Variants in PRPF40B observed in about 807,000 individuals in gnomAD.
The protein encoded by PRPF40B is pre-mRNA processing factor 40B.
In PRPF40B, 56 loss-of-function variants were observed where a neutral mutation model predicts 124.5. The observed-to-expected ratio is 0.45, with a 90% CI of 0.36 to 0.56. The LOEUF (loss-of-function observed/expected upper bound fraction) is 0.56, where lower values mean the gene tolerates loss of function less well. Among genes scored for constraint, PRPF40B ranks in the 20% least tolerant of loss-of-function variants. The probability of loss-of-function intolerance (pLI) is 0.00; values close to 1 mark genes in which losing one functional copy is unlikely to be tolerated. For missense variants in PRPF40B, 1,053 were observed against 1,169.5 expected (o/e 0.90, Z 1.45); for synonymous variants, 443 against 426.4 (o/e 1.04, Z -0.48).
chr12:49,631,372 T>C lies in PRPF40B; in HGVS notation c.85-29T>C, dbSNP rs1181988208. Reference sequence around the variant, plus strand: ...TCTGACAAGGCGATGTCTTCCCTGCTCAGTATCTCTTCCTTTACTCATTTC... The same window carrying C: ...TCTGACAAGGCGATGTCTTCCCTGCCCAGTATCTCTTCCTTTACTCATTTC... On this transcript the variant is annotated intron_variant, in intron 2 of 25. Coordinates refer to ENST00000548825, the MANE Select transcript of PRPF40B (RefSeq NM_001031698.3). This position sits in a 1 kb window ranked among gnomAD's most constrained non-coding sequence, Gnocchi z 4.3. 1 of 1,490,180 alleles carries C rather than the reference T, an allele frequency of 6.7e-7. No individual in the cohort carries two copies. Among genetic ancestry groups the C allele is most frequent in the African/African-American group, 1.4e-5 (1 of 70,654 alleles). 92.3% of individuals were successfully genotyped at this position (1,490,180 alleles called of 1,614,324 possible).
chr12:49,623,437 T>C, upstream of PRPF40B: 3 of 754,916 alleles, frequency 4.0e-6, no homozygotes, highest in Non-Finnish European at 5.3e-6. Flanking sequence ...CCGGGCCGGT[T>C]GGGGCCCCGC....
At chr12:49,641,845 C>T in intron 18 of PRPF40B, 63 bp from the exon 19 acceptor site, 1 of 1,394,728 alleles carries the variant, frequency 7.2e-7, no homozygotes, top group Non-Finnish European at 1.0e-6. Flanking sequence ...TGTGACCACT[C>T]TGCCTGCCAG....
At chr12:49,624,044 T>G in intron 1 of PRPF40B, 4 of 993,802 alleles carry the variant, frequency 4.0e-6, no homozygotes, top group Non-Finnish European at 4.8e-6. Context: ...CTCAGACCAC[T>G]TGGGGACTCC....
upstream of PRPF40B, chr12:49,623,405 G>T (rs915373912): frequency 2.6e-6 from 1 of 384,520 alleles, no homozygotes; most frequent in East Asian, 5.4e-5. Context: ...GTGCCGGGGG[G>T]GCGGGGCCGG....
At position 49,636,013 on chromosome 12, in the gene PRPF40B, C is replaced by T. The variant is rs1565835687; in HGVS notation, c.1426+20C>T. ...TGCAGAGTAAGCCTGGGCCTCCAATCCCAGCTATCCCTTTCCCTTTCTTTA... is the reference window on the plus strand; with the variant it reads ...TGCAGAGTAAGCCTGGGCCTCCAATTCCAGCTATCCCTTTCCCTTTCTTTA... On this transcript the variant is annotated intron_variant, in intron 15 of 25. Coordinates refer to ENST00000548825, the MANE Select transcript of PRPF40B (RefSeq NM_001031698.3). The T allele has an allele frequency of 6.2e-7, 1 of 1,613,404 alleles. No individual in the cohort carries two copies. Among genetic ancestry groups the T allele is most frequent in the Non-Finnish European group, 8.5e-7 (1 of 1,179,486 alleles).
chr12:49,643,061 T>C (rs1401996349), intron 22 of PRPF40B, 45 bp downstream of exon 22: 1 of 1,605,648 alleles, frequency 6.2e-7, no homozygotes, highest in Non-Finnish European at 8.5e-7. Flanking sequence ...CTGGGTTGTT[T>C]TGGGGAAATA....
At chr12:49,637,274 T>G (rs1000016086) in intron 16 of PRPF40B, 196 bp from the exon 17 acceptor site, 2 of 598,700 alleles carry the variant, frequency 3.3e-6, no homozygotes, top group African/African-American at 3.7e-5. Flanking sequence ...TCTGTCCCTC[T>G]CTGTGTATTT....
chr12:49,623,400 G>C (rs1940373843), upstream of PRPF40B: 1 of 354,092 alleles, frequency 2.8e-6, no homozygotes, highest in East Asian at 6.0e-5. Flanking sequence ...TCTCCGTGCC[G>C]GGGGGGCGGG....
In PRPF40B at chr12:49,642,627, G is replaced by A. The variant is rs1335428927; in HGVS notation, c.2070G>A (p.Leu690=). 3.1e-6 allele frequency: 5 copies of A among 1,614,114 alleles called. No homozygotes were observed. Among genetic ancestry groups the A allele is most frequent in the East Asian group, 2.2e-5 (1 of 44,902 alleles). ...VCDSAFEQIT[L]ESERIRLFRE... ...ACTCAGCCTTTGAGCAGATCACCCT[G>A]GAGTCGGAGCGGATCCGGCTCTTCC... Residue 690 remains leucine, a synonymous_variant, in exon 21 of 26, where the codon CTG becomes CTA. Transcript: ENST00000548825. This position sits in a 1 kb window ranked among gnomAD's most constrained non-coding sequence, Gnocchi z 5.8.
Position 49,635,552 on chromosome 12 carries a change from C to T in PRPF40B, c.1275+79C>T, listed in dbSNP as rs1941696994. On this transcript the variant is annotated intron_variant, in intron 14 of 25. Coordinates refer to ENST00000548825, the MANE Select transcript of PRPF40B (RefSeq NM_001031698.3). The surrounding 1 kb of genome is among the most constrained non-coding windows in gnomAD (Gnocchi z 4.1). ...TCTTTGCTTTGTTATGGACCCTCGC[C>T]ATTTACTTCTCTACTTCCCCAGTGT... 3 of 1,345,698 alleles carry T rather than the reference C, an allele frequency of 2.2e-6. No individual in the cohort carries two copies. The highest frequency in any genetic ancestry group is 2.1e-6 in the Non-Finnish European group (2 of 972,148). The allele number at this position is 1,345,698 out of a possible 1,614,324, so 83.4% of individuals were successfully genotyped here.
Position 49,631,374 on chromosome 12 carries a change from A to G in PRPF40B, c.85-27A>G. Reference sequence around the variant, plus strand: ...TGACAAGGCGATGTCTTCCCTGCTCAGTATCTCTTCCTTTACTCATTTCCA... The same window carrying G: ...TGACAAGGCGATGTCTTCCCTGCTCGGTATCTCTTCCTTTACTCATTTCCA... On this transcript the variant is annotated intron_variant, in intron 2 of 25. Transcript: ENST00000548825. The surrounding 1 kb of genome is among the most constrained non-coding windows in gnomAD (Gnocchi z 4.3). 2.0e-6 allele frequency: 3 copies of G among 1,492,396 alleles called. No homozygotes were observed. The South Asian group carries it at 4.3e-5, about 21-fold the overall frequency. The allele number at this position is 1,492,396 out of a possible 1,614,324, so 92.4% of individuals were successfully genotyped here.
At position 49,635,294 on chromosome 12, in the gene PRPF40B, G is replaced by A. The variant is rs769125944; in HGVS notation, c.1166+31G>A. 6 of 1,609,440 alleles carry A rather than the reference G, an allele frequency of 3.7e-6. No individual in the cohort carries two copies. In the African/African-American group the frequency reaches 4.0e-5, roughly 11 times the overall value. ...GGGGCCAGGCTGGGCTGGGACTTGGGAACCCTGAGAACACAAAGGTCCAGG... is the reference window on the plus strand; with the variant it reads ...GGGGCCAGGCTGGGCTGGGACTTGGAAACCCTGAGAACACAAAGGTCCAGG... On this transcript the variant is annotated intron_variant, in intron 13 of 25. Coordinates refer to ENST00000548825, the MANE Select transcript of PRPF40B (RefSeq NM_001031698.3). This position sits in a 1 kb window ranked among gnomAD's most constrained non-coding sequence, Gnocchi z 4.1.
chr12:49,633,337 T>C (rs1178270850), intron 7 of PRPF40B, 90 bp from the exon 8 acceptor site: 4 of 1,542,094 alleles, frequency 2.6e-6, no homozygotes, highest in Non-Finnish European at 3.5e-6. Flanking sequence ...AAGGTTCCTG[T>C]GTCCTCTACT....
rs775225784 is a variant in PRPF40B at position 49,635,354 on chromosome 12, A to G, written c.1167-11A>G. On this transcript the variant is annotated splice_polypyrimidine_tract_variant and intron_variant, in intron 13 of 25. Transcript: ENST00000548825. The surrounding 1 kb of genome is among the most constrained non-coding windows in gnomAD (Gnocchi z 4.1). ...CTCTGTCTACCTACTCACAGCTTAT[A>G]TGCTCCACAGGCGGGCAGAACAGAC... 3 of 1,612,388 alleles carry G rather than the reference A, an allele frequency of 1.9e-6. No homozygotes were observed. The highest frequency in any genetic ancestry group is 1.7e-4 in the Middle Eastern group (1 of 6,050).
intron 18 of PRPF40B, 110 bp from the exon 19 acceptor site, chr12:49,641,798 C>T: frequency 1.2e-6 from 1 of 845,800 alleles, no homozygotes; most frequent in Non-Finnish European, 1.9e-6. Context: ...TCCTGTGGAT[C>T]TCTTCCAGAG....
rs762123372 is a variant in PRPF40B, at chr12:49,634,388, G to A, written c.869G>A (p.Arg290Lys). 1.7e-5 allele frequency: 27 copies of A among 1,614,122 alleles called. No individual in the cohort carries two copies. Among genetic ancestry groups the A allele is most frequent in the Non-Finnish European group, 2.1e-5 (25 of 1,180,050 alleles). Residue 290 changes from arginine (R) to lysine (K), a missense_variant, in exon 11 of 26, where the codon AGG (arginine) becomes AAG (lysine). Arg to Lys is a conservative substitution (Grantham distance 26, BLOSUM62 2). Coordinates refer to ENST00000548825, the MANE Select transcript of PRPF40B (RefSeq NM_001031698.3). The part of the protein sequence containing the change: ...EEEESKPEPE[R>K]SGLSWSNREK... ...GAGGAATCAAAGCCAGAACCAGAGA[G>A]GTCTGGCCTCAGTTGGAGCAACCGG...
At chr12:49,636,072 A>C in intron 15 of PRPF40B, 79 bp downstream of exon 15, 2 of 1,550,844 alleles carry the variant, frequency 1.3e-6, no homozygotes, top group South Asian at 1.2e-5. Context: ...GCCTCACCCC[A>C]CTCCCCTGTA....
chr12:49,633,258 C>T, intron 7 of PRPF40B, 134 bp downstream of exon 7: 1 of 1,254,074 alleles, frequency 8.0e-7, no homozygotes, highest in South Asian at 1.4e-5. Context: ...CTCACCCTCC[C>T]TGGAAATGCC....
At position 49,643,011 on chromosome 12, in the gene PRPF40B, C is replaced by T. The variant is rs1942877382; in HGVS notation, c.2200C>T (p.Pro734Ser). 6.2e-7 allele frequency: 1 copy of T among 1,613,664 alleles called. No homozygotes were observed. The highest frequency in any genetic ancestry group is 8.5e-7 in the Non-Finnish European group (1 of 1,179,730). Residue 734 changes from proline to serine, a missense_variant, in exon 22 of 26, where the codon CCC (proline) becomes TCC (serine). Physicochemically the swap from Pro to Ser is moderately conservative, Grantham distance 74 (BLOSUM62 -1). Transcript: ENST00000548825. ...GCACCATCACAAGCGTTCCCACTCA[C>T]CCTCAGTGAGTAAGCGTGTAGAAGG... ...KKHHHKRSHSPSGSESEEEEL... is the reference protein window; with the variant it reads ...KKHHHKRSHSSSGSESEEEEL...
Sources: gnomAD v4.1 joint callset for allele counts on GRCh38, gnomAD v4.1.1 for gene constraint, Gnocchi (gnomAD v3.1) non-coding constraint, MANE v1.5 for transcripts, NCBI Gene and HGNC (gene_info 2026-07-23, HGNC 2026-07-21) for gene names.